Variants in EDNRB observed in about 807,000 individuals in gnomAD.
EDNRB encodes the protein endothelin receptor type B.
In EDNRB, 18 loss-of-function variants were observed where a neutral mutation model predicts 46.4. The observed-to-expected ratio is 0.39, with a 90% CI of 0.27 to 0.57. The LOEUF (loss-of-function observed/expected upper bound fraction) is 0.57, where lower values mean the gene tolerates loss of function less well. EDNRB is among the 20% of genes least tolerant of loss of function. The pLI, the probability that EDNRB is intolerant of heterozygous loss-of-function variation, is 0.61. For missense variants in EDNRB, 434 were observed against 537.5 expected (o/e 0.81, Z 1.90); for synonymous variants, 213 against 204.9 (o/e 1.04, Z -0.34).
intron 1 of EDNRB, among the ~76,000 whole-genome samples, chr13:77,954,216 G>T (rs1214328114): frequency 6.6e-6 from 1 of 150,584 alleles, no homozygotes; most frequent in African/African-American, 2.5e-5. Context: ...ATGTTTTACA[G>T]AAGATCTCTG....
chr13:77,903,663 T>C, intron 1 of EDNRB, 56 bp from the exon 2 acceptor site: 1 of 1,429,038 alleles, frequency 7.0e-7, no homozygotes, highest in Non-Finnish European at 9.9e-7. Flanking sequence ...GCCCTCTGAA[T>C]TGTATCACTT....
In EDNRB at chr13:77,895,947, A is replaced by G. The variant is rs1594351525; in HGVS notation, c.*2253T>C. On this transcript the variant is annotated 3_prime_UTR_variant, in exon 7 of 7. Coordinates refer to ENST00000646607, the MANE Select transcript of EDNRB (RefSeq NM_001122659.3). ...AGCTGTAACATCCATGTTAACAATA[A>G]TTTTGTCTGTTGCTATATTAAAGTC... 1 of 152,476 alleles carries G rather than the reference A, an allele frequency of 6.6e-6. No individual in the cohort carries two copies. The highest frequency in any genetic ancestry group is 1.9e-4 in the East Asian group (1 of 5,204). 9.4% of individuals were successfully genotyped at this position (152,476 alleles called of 1,614,324 possible).
intron 1 of EDNRB, among the ~76,000 whole-genome samples, chr13:77,968,223 CTG>C (rs151230410): frequency 0.24 from 36,763 of 151,652 alleles, 5,467 homozygotes; most frequent in East Asian, 0.54. Flanking sequence ...TTTGACAACT[CTG>C]TTATCTTAAG....
rs149726600 is a variant in EDNRB at position 77,972,858 on chromosome 13, G to A, written c.-52+2489C>T. ...GTTTTCCCCTGGGACTATGGCCCAC[G>A]ACTCTGGAGGGGGTGGCGCTTTCTT... On this transcript the variant is annotated intron_variant, in intron 1 of 7. Coordinates refer to the EDNRB transcript ENST00000646948. 7.6e-3 allele frequency among the ~76,000 whole-genome samples: 1,150 copies of A among 152,294 alleles called. 15 individuals are homozygous for A. Among genetic ancestry groups the A allele is most frequent in the African/African-American group, 0.026 (1,091 of 41,556 alleles).
intron 1 of EDNRB, among the ~76,000 whole-genome samples, chr13:77,949,264 A>G (rs1228667769): frequency 6.6e-6 from 1 of 152,046 alleles, no homozygotes; most frequent in Non-Finnish European, 1.5e-5. Flanking sequence ...TGTAGCATTC[A>G]TTTGTGCTGA....
intron 1 of EDNRB, among the ~76,000 whole-genome samples, chr13:77,959,807 G>C (rs574595792): frequency 1.1e-4 from 16 of 152,276 alleles, no homozygotes; most frequent in African/African-American, 2.9e-4. Context: ...TTAGACAAAT[G>C]GCTAACTAGA....
At chr13:77,914,564 A>G (rs748002678) in intron 1 of EDNRB, among the ~76,000 whole-genome samples, 2 of 152,178 alleles carry the variant, frequency 1.3e-5, no homozygotes, top group Non-Finnish European at 2.9e-5. Context: ...TATTTTCTGC[A>G]TGTTTACATG....
chr13:77,899,281 C>T (rs1372601705), intron 6 of EDNRB, among the ~76,000 whole-genome samples: 1 of 151,780 alleles, frequency 6.6e-6, no homozygotes, highest in East Asian at 1.9e-4. Context: ...TATTTTATTT[C>T]ATGTTAGATT....
intron 1 of EDNRB, among the ~76,000 whole-genome samples, chr13:77,971,540 G>C (rs867178894): frequency 1.7e-4 from 26 of 151,554 alleles, no homozygotes; most frequent in African/African-American, 6.3e-4. Context: ...GGGTGTAAAG[G>C]GTTTTGTCAG....
chr13:77,899,206 G>A (rs948130760), intron 6 of EDNRB, among the ~76,000 whole-genome samples: 19 of 151,834 alleles, frequency 1.3e-4, no homozygotes, highest in African/African-American at 4.3e-4. Flanking sequence ...CGGGAGCTAC[G>A]TTCTTAGCTT....
At chr13:77,919,559 T>C (rs1409117084), upstream of EDNRB, 2 of 1,612,436 alleles carry the variant, frequency 1.2e-6, no homozygotes, top group Non-Finnish European at 1.7e-6. Flanking sequence ...CCAGACAGTG[T>C]AGCCTCCACC....
At chr13:77,917,946 G>A in intron 1 of EDNRB, 145 bp downstream of exon 1, 3 of 1,247,438 alleles carry the variant, frequency 2.4e-6, no homozygotes, top group Non-Finnish European at 3.4e-6. Context: ...AATGGAATTT[G>A]GTTCCAAAGA....
At chr13:77,900,757 CAT>C (rs1475604482) in intron 4 of EDNRB, 103 bp from the exon 5 acceptor site, 1 of 1,529,560 alleles carries the variant, frequency 6.5e-7, no homozygotes, top group Non-Finnish European at 8.9e-7. Flanking sequence ...AAGTCAGTGG[CAT>C]ATGTAAAAAC....
intron 1 of EDNRB, among the ~76,000 whole-genome samples, chr13:77,908,504 G>T (rs529852493): frequency 4.6e-5 from 7 of 151,380 alleles, no homozygotes; most frequent in Non-Finnish European, 1.0e-4. Flanking sequence ...CTTATAGATG[G>T]GTATGATTCT....
rs542464710 is a variant in EDNRB at position 77,947,123 on chromosome 13, G to A, written c.-52+28224C>T. The stretch of plus-strand genomic sequence containing the variant: ...ATTGAAGAATGTATATTTAAACTGG[G>A]GACTTATTTGAGCCCTTTATTATAA... On this transcript the variant is annotated intron_variant, in intron 1 of 7. Transcript: ENST00000646948. Among the ~76,000 whole-genome samples the A allele has an allele frequency of 8.5e-5, 13 of 152,094 alleles. 1 individual carries two copies. The highest frequency in any genetic ancestry group is 3.1e-4 in the African/African-American group (13 of 41,482).
At chr13:77,941,315 C>A (rs1195530502) in intron 1 of EDNRB, among the ~76,000 whole-genome samples, 5 of 151,914 alleles carry the variant, frequency 3.3e-5, no homozygotes, top group Admixed American at 2.6e-4. Context: ...TTTTAACTAC[C>A]AATAGGCACT....
At chr13:77,905,202 G>A (rs1385320694) in intron 1 of EDNRB, among the ~76,000 whole-genome samples, 2 of 151,868 alleles carry the variant, frequency 1.3e-5, no homozygotes, top group Non-Finnish European at 2.9e-5. Flanking sequence ...GTGGGGTGGG[G>A]TCTGGGGTAA....
chr13:77,964,808 A>T (rs1002183053), intron 1 of EDNRB, among the ~76,000 whole-genome samples: 14 of 142,046 alleles, frequency 9.9e-5, no homozygotes, highest in African/African-American at 3.3e-4. Context: ...AAAACTATAT[A>T]AAAAAAAAAA....
rs3039607 is a variant in EDNRB, at chr13:77,954,478, GTATTTATTTATTTATTTATT to G, written c.-52+20849_-52+20868del. The stretch of plus-strand genomic sequence containing the variant: ...AGGCAGGATTTTCTTTTTTAAGAAA[GTATTTATTTATTTATTTATT>G]TATTTATTTATTTATTTATTTATTT... On this transcript the variant is annotated intron_variant, in intron 1 of 7. Coordinates refer to the EDNRB transcript ENST00000646948. Among the ~76,000 whole-genome samples the G allele has an allele frequency of 5.0e-4, 70 of 140,528 alleles. 1 individual carries two copies. The highest frequency in any genetic ancestry group is 1.6e-3 in the African/African-American group (62 of 37,894). 92.2% of individuals were successfully genotyped at this position (140,528 alleles called of 152,430 possible).
Sources: allele counts gnomAD v4.1 joint callset (sites outside exome capture counted in the v4.1 genomes callset), GRCh38; gene constraint gnomAD v4.1.1; transcripts MANE v1.5; gene names NCBI Gene and HGNC (gene_info 2026-07-23, HGNC 2026-07-21).